CADM2: variants seen among roughly 807,000 people sequenced by gnomAD.
CADM2 encodes the protein cell adhesion molecule 2.
Under a neutral mutation model 49.8 loss-of-function variants are expected in CADM2, and 12 were observed. That is an observed-to-expected ratio of 0.24 (90% CI 0.15 to 0.39). The LOEUF is 0.39. Among genes scored for constraint, CADM2 ranks in the 10% least tolerant of loss-of-function variants. The probability of loss-of-function intolerance (pLI) is 1.00; values close to 1 mark genes in which losing one functional copy is unlikely to be tolerated. For missense variants in CADM2, 378 were observed against 492.3 expected (o/e 0.77, Z 2.20); for synonymous variants, 214 against 175.4 (o/e 1.22, Z -1.74).
chr3:85,966,588 A>ATTTTGC (rs1207379786), intron 8 of CADM2, among the ~76,000 whole-genome samples: 1 of 151,576 alleles, frequency 6.6e-6, no homozygotes, highest in Non-Finnish European at 1.5e-5. Flanking sequence ...ACATGTATGT[A>ATTTTGC]TTTTGCTTTT....
At chr3:85,840,272 C>T (rs2074585569) in intron 3 of CADM2, among the ~76,000 whole-genome samples, 2 of 151,598 alleles carry the variant, frequency 1.3e-5, no homozygotes, top group African/African-American at 4.8e-5. Context: ...GTTTTTGAAC[C>T]ATGTTTCTGT....
At chr3:85,449,395 T>C (rs1282581023) in intron 1 of CADM2, among the ~76,000 whole-genome samples, 1 of 152,068 alleles carries the variant, frequency 6.6e-6, no homozygotes, top group African/African-American at 2.4e-5. Flanking sequence ...GAACTATCAA[T>C]GTATAAAGAC....
At chr3:85,597,251 C>T (rs766354930) in intron 1 of CADM2, among the ~76,000 whole-genome samples, 16 of 152,086 alleles carry the variant, frequency 1.1e-4, no homozygotes, top group Non-Finnish European at 2.2e-4. Flanking sequence ...TTATACAACT[C>T]TCAAATCTAT....
intron 8 of CADM2, among the ~76,000 whole-genome samples, chr3:85,995,710 T>G (rs1729304304): frequency 6.6e-6 from 1 of 152,304 alleles, no homozygotes; most frequent in South Asian, 2.1e-4. Context: ...CTTTTTTATA[T>G]AGAAAGTCTT....
chr3:85,885,731 A>G (rs908058671), intron 4 of CADM2, among the ~76,000 whole-genome samples: 1 of 150,244 alleles, frequency 6.7e-6, no homozygotes, highest in East Asian at 2.0e-4. Context: ...GCACACCTGT[A>G]ATCCCAGCTA....
At chr3:85,915,019 G>A (rs575196038) in intron 6 of CADM2, among the ~76,000 whole-genome samples, 5 of 152,004 alleles carry the variant, frequency 3.3e-5, no homozygotes, top group Admixed American at 1.3e-4. Flanking sequence ...GTTATTCCAC[G>A]CCACAGTCAC....
chr3:85,885,800 C>A (rs185852545), intron 4 of CADM2, among the ~76,000 whole-genome samples: 2 of 137,552 alleles, frequency 1.5e-5, no homozygotes, highest in African/African-American at 2.8e-5. Flanking sequence ...TGCAGTGAGC[C>A]GAGATCGAGC....
chr3:85,616,529 T>A (rs2063804172), intron 1 of CADM2, among the ~76,000 whole-genome samples: 1 of 152,112 alleles, frequency 6.6e-6, no homozygotes, highest in African/African-American at 2.4e-5. Context: ...TATTTAATCC[T>A]TAGGTAATTG....
chr3:85,863,681 C>T (rs2075620420), intron 3 of CADM2, among the ~76,000 whole-genome samples: 1 of 152,144 alleles, frequency 6.6e-6, no homozygotes, highest in Non-Finnish European at 1.5e-5. Flanking sequence ...CTATAAATTA[C>T]CCAGCCTGCA....
At chr3:85,713,902 C>T (rs919141931) in intron 1 of CADM2, among the ~76,000 whole-genome samples, 1 of 152,124 alleles carries the variant, frequency 6.6e-6, no homozygotes, top group African/African-American at 2.4e-5. Flanking sequence ...TATGACCCTA[C>T]CTGAAGTATA....
intron 1 of CADM2, among the ~76,000 whole-genome samples, chr3:85,372,425 G>GTGCATATA (rs2033311500): frequency 3.0e-5 from 4 of 133,762 alleles, no homozygotes; most frequent in Admixed American, 2.5e-4. Flanking sequence ...GTATATATGT[G>GTGCATATA]TGTATATATG....
intron 1 of CADM2, among the ~76,000 whole-genome samples, chr3:85,559,566 T>A (rs1036880308): frequency 6.6e-6 from 1 of 151,962 alleles, no homozygotes; most frequent in Non-Finnish European, 1.5e-5. Flanking sequence ...AATATATTTT[T>A]ACCTGAATTT....
intron 1 of CADM2, among the ~76,000 whole-genome samples, chr3:84,963,514 G>A (rs2030726930): frequency 6.6e-6 from 1 of 152,112 alleles, no homozygotes; most frequent in African/African-American, 2.4e-5. Context: ...TTTGGAATTA[G>A]TCGTATAAAA....
chr3:84,966,202 G>T (rs1279323893), intron 1 of CADM2, among the ~76,000 whole-genome samples: 1 of 152,074 alleles, frequency 6.6e-6, no homozygotes, highest in Non-Finnish European at 1.5e-5. Flanking sequence ...TAAATATTCT[G>T]CTTAAGTAGG....
chr3:85,384,191 C>T (rs1373920848), intron 1 of CADM2, among the ~76,000 whole-genome samples: 2 of 151,564 alleles, frequency 1.3e-5, no homozygotes, highest in Non-Finnish European at 2.9e-5. Flanking sequence ...AAAACGACAT[C>T]CCATTGTTAT....
chr3:85,557,651 G>A (rs1358099999), intron 1 of CADM2, among the ~76,000 whole-genome samples: 1 of 152,006 alleles, frequency 6.6e-6, no homozygotes, highest in Non-Finnish European at 1.5e-5. Flanking sequence ...GTTTTACACT[G>A]TTGTGATAAG....
At chr3:85,633,960 A>G (rs2064385592) in intron 1 of CADM2, among the ~76,000 whole-genome samples, 1 of 152,010 alleles carries the variant, frequency 6.6e-6, no homozygotes, top group Non-Finnish European at 1.5e-5. Context: ...ATAAAATATG[A>G]ACCCCCAAGG....
At chr3:85,226,597 G>GTTT (rs563627048) in intron 1 of CADM2, among the ~76,000 whole-genome samples, 14 of 146,020 alleles carry the variant, frequency 9.6e-5, no homozygotes, top group African/African-American at 3.0e-4. Context: ...ATTTTGAAGA[G>GTTT]TTTTTTTTTT....
rs11329456 is a variant in CADM2 at position 85,175,919 on chromosome 3, C to CTTTTTTTTTT, written c.61+216269_61+216278dup. 2.9e-3 allele frequency among the ~76,000 whole-genome samples: 221 copies of CTTTTTTTTTT among 76,270 alleles called. 35 individuals carry two copies. Among genetic ancestry groups the CTTTTTTTTTT allele is most frequent in the African/African-American group, 0.012 (192 of 16,434 alleles). The allele number at this position is 76,270 out of a possible 152,430, so 50.0% of individuals were successfully genotyped here. On this transcript the variant is annotated intron_variant, in intron 1 of 9. Coordinates refer to ENST00000383699, the MANE Select transcript of CADM2 (RefSeq NM_001167675.2). ...CAGTTTATCTGAGTTATGTCCTAAT[C>CTTTTTTTTTT]TTTTTTTTTTTTTTTTTTTTTTTTT...
Sources: gnomAD v4.1 joint callset for allele counts (sites outside exome capture counted in the v4.1 genomes callset) on GRCh38, gnomAD v4.1.1 for gene constraint, MANE v1.5 for transcripts, NCBI Gene and HGNC (gene_info 2026-07-23, HGNC 2026-07-21) for gene names.